SH3RF3: variants seen among roughly 807,000 people sequenced by gnomAD.
The protein encoded by SH3RF3 is E3 ubiquitin-protein ligase SH3RF3.
In SH3RF3, 29 loss-of-function variants were observed where a neutral mutation model predicts 66.3. That is an observed-to-expected ratio of 0.44 (90% confidence interval 0.33 to 0.60). SH3RF3 has a LOEUF of 0.60. SH3RF3 is among the 20% of genes least tolerant of loss of function. The pLI, the probability that SH3RF3 is intolerant of heterozygous loss-of-function variation, is 0.04. For missense variants in SH3RF3, 1,194 were observed against 1,190.9 expected (o/e 1.00, Z -0.04); for synonymous variants, 583 against 532.0 (o/e 1.10, Z -1.32).
intron 1 of SH3RF3, among the ~76,000 whole-genome samples, chr2:109,199,389 GGAAT>G (rs1678589577): frequency 8.5e-5 from 1 of 11,828 alleles, no homozygotes; most frequent in Non-Finnish European, 3.0e-4. Flanking sequence ...GGAATGGAAT[GGAAT>G]GGAATGGAAT....
At chr2:109,212,253 C>T (rs925662606) in intron 1 of SH3RF3, among the ~76,000 whole-genome samples, 1 of 152,176 alleles carries the variant, frequency 6.6e-6, no homozygotes, top group Non-Finnish European at 1.5e-5. Context: ...CCTCCAACTC[C>T]ATGAAATGAG....
At chr2:109,282,986 G>A (rs1445160216) in intron 1 of SH3RF3, among the ~76,000 whole-genome samples, 3 of 152,180 alleles carry the variant, frequency 2.0e-5, no homozygotes, top group South Asian at 2.1e-4. Context: ...ACTCCCTCAC[G>A]TGGAGGAAGG....
At chr2:109,455,693 A>C (rs769905945) in intron 8 of SH3RF3, among the ~76,000 whole-genome samples, 10 of 152,156 alleles carry the variant, frequency 6.6e-5, no homozygotes, top group Non-Finnish European at 1.5e-4. Flanking sequence ...TTTCCTCTCG[A>C]GTGGAGGCAC....
In SH3RF3 at chr2:109,425,523, C is replaced by CT. The variant is rs1011169855; in HGVS notation, c.1403+5882dup. ...TTAGGGGCTAATGCAGCTGGTGACTCTAAGTGAAGCCAGTGTTCATTTGCC... is the reference window on the plus strand; with the variant it reads ...TTAGGGGCTAATGCAGCTGGTGACTCTTAAGTGAAGCCAGTGTTCATTTGCC... On this transcript the variant is annotated intron_variant, in intron 5 of 9. Coordinates refer to ENST00000309415, the MANE Select transcript of SH3RF3 (RefSeq NM_001099289.3). Among the ~76,000 whole-genome samples the CT allele has an allele frequency of 9.8e-5, 15 of 152,304 alleles. No individual in the cohort carries two copies. The East Asian group carries it at 1.9e-3, about 20-fold the overall frequency.
At chr2:109,230,318 G>A (rs1010496941) in intron 1 of SH3RF3, among the ~76,000 whole-genome samples, 2 of 152,120 alleles carry the variant, frequency 1.3e-5, no homozygotes, top group African/African-American at 2.4e-5. Flanking sequence ...CCTCACGCCT[G>A]TAAACCCAGC....
intron 1 of SH3RF3, among the ~76,000 whole-genome samples, chr2:109,205,534 C>G (rs1678791543): frequency 6.6e-6 from 1 of 152,166 alleles, no homozygotes; most frequent in Admixed American, 6.5e-5. Flanking sequence ...ACAGGTGAAC[C>G]ACTGTGCCCC....
intron 1 of SH3RF3, among the ~76,000 whole-genome samples, chr2:109,249,803 C>T (rs1680040886): frequency 6.6e-6 from 1 of 151,426 alleles, no homozygotes; most frequent in African/African-American, 2.4e-5. Context: ...ACTACAGGCG[C>T]CCGCCACCGC....
chr2:109,396,433 G>T (rs1161092484), intron 3 of SH3RF3, among the ~76,000 whole-genome samples: 1 of 152,214 alleles, frequency 6.6e-6, no homozygotes, highest in East Asian at 1.9e-4. Context: ...ATGTGCCTGG[G>T]CCGGGTCTGA....
Position 109,389,219 on chromosome 2 carries a change from G to T in SH3RF3, c.946-9371G>T, listed in dbSNP as rs115315779. Among the ~76,000 whole-genome samples the T allele has an allele frequency of 3.7e-3, 569 of 152,290 alleles. 1 individual carries two copies. Among genetic ancestry groups the T allele is most frequent in the African/African-American group, 0.013 (553 of 41,542 alleles). ...CTGTGGGTTTTGAGTCAGCTGTGAG[G>T]GCCCCTCCTGGTCCTCAGCAAGAGG... is the stretch of plus-strand genomic sequence containing the variant. On this transcript the variant is annotated intron_variant, in intron 3 of 9. Coordinates refer to ENST00000309415, the MANE Select transcript of SH3RF3 (RefSeq NM_001099289.3).
At chr2:109,229,831 T>C (rs1316816163) in intron 1 of SH3RF3, among the ~76,000 whole-genome samples, 5 of 121,764 alleles carry the variant, frequency 4.1e-5, no homozygotes, top group East Asian at 4.2e-4. Context: ...TCTTTCTTTT[T>C]TTTTTTTTTT....
intron 3 of SH3RF3, among the ~76,000 whole-genome samples, chr2:109,373,293 A>G (rs1171992760): frequency 1.3e-5 from 2 of 152,254 alleles, no homozygotes; most frequent in Non-Finnish European, 2.9e-5. Context: ...GCTCTCGGAC[A>G]TTTTTAGCTG....
chr2:109,175,136 A>C (rs1301073514), intron 1 of SH3RF3, among the ~76,000 whole-genome samples: 1 of 152,144 alleles, frequency 6.6e-6, no homozygotes, highest in Non-Finnish European at 1.5e-5. Context: ...TATCAGTCCC[A>C]CTAAACCGGG....
chr2:109,276,193 G>A (rs956790597), intron 1 of SH3RF3, among the ~76,000 whole-genome samples: 1 of 152,192 alleles, frequency 6.6e-6, no homozygotes. Context: ...GAAAACACCA[G>A]CGTTCTCCCA....
At chr2:109,311,398 C>A (rs1681719215) in intron 1 of SH3RF3, among the ~76,000 whole-genome samples, 1 of 137,128 alleles carries the variant, frequency 7.3e-6, no homozygotes, top group Non-Finnish European at 1.5e-5. Flanking sequence ...ACTGAATGGG[C>A]AAAAACTGGA....
chr2:109,275,198 C>T (rs1198535684), intron 1 of SH3RF3, among the ~76,000 whole-genome samples: 7 of 152,148 alleles, frequency 4.6e-5, no homozygotes, highest in Non-Finnish European at 1.0e-4. Context: ...TGTGGTTTCT[C>T]GTACTTTGCT....
chr2:109,181,314 A>C (rs937783757), intron 1 of SH3RF3, among the ~76,000 whole-genome samples: 9 of 152,222 alleles, frequency 5.9e-5, no homozygotes, highest in African/African-American at 2.2e-4. Context: ...CATTTGTCAA[A>C]ACTAAGCAAT....
chr2:109,147,596 T>C (rs964158), intron 1 of SH3RF3, among the ~76,000 whole-genome samples: 103,785 of 151,522 alleles, frequency 0.68, 36,436 homozygotes, highest in Non-Finnish European at 0.72. Flanking sequence ...TCAGGAGGGT[T>C]ATATCAAGGT....
At chr2:109,363,037 A>G (rs1683080595) in intron 2 of SH3RF3, among the ~76,000 whole-genome samples, 1 of 152,138 alleles carries the variant, frequency 6.6e-6, no homozygotes, top group Non-Finnish European at 1.5e-5. Flanking sequence ...TTGTATATTT[A>G]CATCATTAAT....
rs1679442856 is a variant in SH3RF3 at position 109,503,263 on chromosome 2, T to C, written c.*1592T>C. On this transcript the variant is annotated 3_prime_UTR_variant, in exon 10 of 10. Transcript: ENST00000309415. ...TTAAATTAAGCTGAAGAAACTAGCC[T>C]TTGGTAACATAGGGTGTCATTGGTT... is the stretch of plus-strand genomic sequence containing the variant. 1 of 152,204 alleles carries C rather than the reference T, an allele frequency of 6.6e-6. No individual in the cohort carries two copies. The highest frequency in any genetic ancestry group is 2.4e-5 in the African/African-American group (1 of 41,440). 9.4% of individuals were successfully genotyped at this position (152,204 alleles called of 1,614,324 possible). A position where few individuals can be genotyped will look rare whatever the true frequency, so the allele number is the denominator to read the frequency against.
Sources: gnomAD v4.1 joint callset for allele counts (sites outside exome capture counted in the v4.1 genomes callset) on GRCh38, gnomAD v4.1.1 for gene constraint, MANE v1.5 for transcripts, NCBI Gene and HGNC (gene_info 2026-07-23, HGNC 2026-07-21) for gene names.